SHQ1: variants seen among roughly 807,000 people sequenced by gnomAD.
SHQ1 encodes protein SHQ1 homolog.
A neutral mutation model predicts 53.8 loss-of-function variants in SHQ1; 49 were observed. The ratio of observed to expected loss-of-function variants is 0.91; its 90% CI spans 0.72 to 1.16. The LOEUF (loss-of-function observed/expected upper bound fraction) is 1.16, where lower values mean the gene tolerates loss of function less well. Among genes scored for constraint, SHQ1 ranks in the 50% most tolerant of loss-of-function variants. SHQ1 has a pLI of 0.00. For missense variants in SHQ1, 738 were observed against 683.1 expected, an observed-to-expected ratio of 1.08 and a Z score of -0.90; for synonymous variants, 243 against 251.0, an observed-to-expected ratio of 0.97 and a Z score of 0.30.
intron 9 of SHQ1, among the ~76,000 whole-genome samples, chr3:72,809,174 T>C (rs1442179881): frequency 6.6e-6 from 1 of 151,920 alleles, no homozygotes; most frequent in African/African-American, 2.4e-5. Flanking sequence ...TGGAGGTAAG[T>C]GGTATGTCCT....
chr3:72,777,388 T>C lies in SHQ1; in HGVS notation c.1181+15528A>G, dbSNP rs143694620. On this transcript the variant is annotated intron_variant, in intron 10 of 10. Transcript: ENST00000325599. ...TCCTATTGAAAAACAGGGGATACAA[T>C]AGACAGACATTTCATAGTAGAGGAA... Among the ~76,000 whole-genome samples, 1,445 of 152,246 alleles carry C rather than the reference T, an allele frequency of 9.5e-3. 19 individuals carry two copies. The highest frequency in any genetic ancestry group is 0.031 in the African/African-American group (1,282 of 41,542).
At chr3:72,791,313 G>A (rs765306694) in intron 10 of SHQ1, among the ~76,000 whole-genome samples, 20 of 152,192 alleles carry the variant, frequency 1.3e-4, no homozygotes, top group Non-Finnish European at 2.6e-4. Context: ...ATCAAATGAA[G>A]TGATGACATG....
downstream of SHQ1, among the ~76,000 whole-genome samples, chr3:72,749,010 T>C (rs554788958): frequency 6.6e-5 from 10 of 151,030 alleles, no homozygotes; most frequent in Admixed American, 2.0e-4. Flanking sequence ...GGCAGAAGAT[T>C]TGAACAGACA....
intron 10 of SHQ1, among the ~76,000 whole-genome samples, chr3:72,766,795 T>C (rs747521881): frequency 3.3e-5 from 5 of 152,138 alleles, no homozygotes; most frequent in Admixed American, 1.3e-4. Context: ...TATTGAAGTC[T>C]AATCAATCCC....
intron 10 of SHQ1, among the ~76,000 whole-genome samples, chr3:72,780,681 C>T (rs929220737): frequency 2.6e-4 from 39 of 152,080 alleles, no homozygotes; most frequent in African/African-American, 9.4e-4. Context: ...ACATACACAC[C>T]GAAAGTGGCA....
intron 10 of SHQ1, among the ~76,000 whole-genome samples, chr3:72,780,666 A>G (rs1047641516): frequency 2.0e-5 from 3 of 152,250 alleles, no homozygotes; most frequent in Admixed American, 1.3e-4. Flanking sequence ...CTGGGTTTAT[A>G]GGATACATAC....
At chr3:72,742,449 CAG>C in the SHQ1 span, among the ~76,000 whole-genome samples, 18 of 152,080 alleles carry the variant, frequency 1.2e-4, no homozygotes, top group African/African-American at 3.9e-4. Flanking sequence ...ACATGGGAAA[CAG>C]GACCTCATGT....
chr3:72,728,611 G>A, the SHQ1 span, among the ~76,000 whole-genome samples: 1 of 152,230 alleles, frequency 6.6e-6, no homozygotes, highest in African/African-American at 2.4e-5. Flanking sequence ...AGTTTGGGGT[G>A]CGGCTGCTCT....
chr3:72,761,169 A>T (rs1053253307), intron 10 of SHQ1, among the ~76,000 whole-genome samples: 1 of 152,082 alleles, frequency 6.6e-6, no homozygotes, highest in East Asian at 1.9e-4. Context: ...ACTTATTTTT[A>T]AAATTTTTTT....
chr3:72,771,884 G>A (rs973032372), intron 10 of SHQ1, among the ~76,000 whole-genome samples: 1 of 152,170 alleles, frequency 6.6e-6, no homozygotes, highest in African/African-American at 2.4e-5. Flanking sequence ...CAGATTTAAA[G>A]GACAACTTTT....
Position 72,841,070 on chromosome 3 carries a change from C to T in SHQ1, c.461G>A (p.Arg154Gln), listed in dbSNP as rs752101890. Residue 154 changes from arginine to glutamine, a missense_variant, in exon 4 of 11, where the codon CGA (arginine) becomes CAA (glutamine). Physicochemically the swap from Arg to Gln is conservative, Grantham distance 43 (BLOSUM62 1). Transcript: ENST00000325599. Reference sequence around the variant, plus strand: ...CTGTAACCGTTGCAACACTCCTGATCGTAAGTTTCCAAATCCATAGTGGCA... The same window carrying T: ...CTGTAACCGTTGCAACACTCCTGATTGTAAGTTTCCAAATCCATAGTGGCA... Reference protein sequence around the residue: ...PQCHYGFGNLRSGVLQRLQDE... With the variant: ...PQCHYGFGNLQSGVLQRLQDE... 2.5e-6 allele frequency: 4 copies of T among 1,613,606 alleles called. No individual in the cohort carries two copies. The highest frequency in any genetic ancestry group is 2.7e-5 in the African/African-American group (2 of 74,906).
intron 9 of SHQ1, among the ~76,000 whole-genome samples, chr3:72,802,126 T>A (rs1422908660): frequency 6.6e-6 from 1 of 152,246 alleles, no homozygotes; most frequent in Non-Finnish European, 1.5e-5. Flanking sequence ...GTAAGTACTT[T>A]ACATATGAAA....
downstream of SHQ1, among the ~76,000 whole-genome samples, chr3:72,746,103 A>G (rs1705254977): frequency 2.0e-5 from 3 of 152,250 alleles, no homozygotes; most frequent in Admixed American, 1.3e-4. Flanking sequence ...TCGGCCTCCC[A>G]AAGTGCTGAG....
At chr3:72,725,773 C>T in the SHQ1 span, among the ~76,000 whole-genome samples, 1 of 152,128 alleles carries the variant, frequency 6.6e-6, no homozygotes, top group Non-Finnish European at 1.5e-5. Flanking sequence ...CCTCAGGTGT[C>T]AACCTCACAT....
intron 10 of SHQ1, among the ~76,000 whole-genome samples, chr3:72,781,790 A>G (rs2106759305): frequency 6.6e-6 from 1 of 152,300 alleles, no homozygotes; most frequent in Non-Finnish European, 1.5e-5. Flanking sequence ...TCACTAAAAA[A>G]AAAGGTATGG....
rs114440708 is a variant in SHQ1 at position 72,836,224 on chromosome 3, T to A, written c.487-3743A>T. 5.1e-3 allele frequency among the ~76,000 whole-genome samples: 780 copies of A among 152,316 alleles called. 9 individuals are homozygous for A. Among genetic ancestry groups the A allele is most frequent in the African/African-American group, 0.018 (750 of 41,572 alleles). ...GCAGCTCTTGGACAGGCATTGTGGC[T>A]CACGCCTGTAATCCCAGCACTTTGG... On this transcript the variant is annotated intron_variant, in intron 4 of 10. Coordinates refer to ENST00000325599, the MANE Select transcript of SHQ1 (RefSeq NM_018130.3).
At chr3:72,729,635 A>G in the SHQ1 span, among the ~76,000 whole-genome samples, 11 of 152,206 alleles carry the variant, frequency 7.2e-5, no homozygotes, top group Non-Finnish European at 1.0e-4. Context: ...TTAAAATCTT[A>G]TTACATCTAA....
chr3:72,779,109 T>C (rs1380475993), intron 10 of SHQ1, among the ~76,000 whole-genome samples: 1 of 152,198 alleles, frequency 6.6e-6, no homozygotes, highest in East Asian at 1.9e-4. Flanking sequence ...AGAATAAGGA[T>C]AAAAATTCTT....
intron 9 of SHQ1, among the ~76,000 whole-genome samples, chr3:72,806,009 A>G (rs1706931480): frequency 6.7e-6 from 1 of 150,110 alleles, no homozygotes; most frequent in Admixed American, 6.6e-5. Flanking sequence ...GGAGATGACT[A>G]GAACTTGATA....
Sources: gnomAD v4.1 joint callset for allele counts (sites outside exome capture counted in the v4.1 genomes callset) on GRCh38, gnomAD v4.1.1 for gene constraint, MANE v1.5 for transcripts, NCBI Gene and HGNC (gene_info 2026-07-23, HGNC 2026-07-21) for gene names.